The following PPM1H variants were observed in gnomAD, a reference collection of about 807,000 sequenced individuals.
PPM1H encodes protein phosphatase, Mg2+/Mn2+ dependent 1H, also known as protein phosphatase 1H.
Under a neutral mutation model 54.9 loss-of-function variants are expected in PPM1H, and 27 were observed. That is an observed-to-expected ratio of 0.49 (90% CI 0.36 to 0.68). The LOEUF (loss-of-function observed/expected upper bound fraction) is 0.68. Ranked by LOEUF, PPM1H falls within the 30% of genes least tolerant of loss-of-function variation. The pLI, the probability that PPM1H is intolerant of heterozygous loss-of-function variation, is 0.00. For synonymous variants in PPM1H, 305 were observed against 270.8 expected (o/e 1.13, Z -1.24); for missense variants, 596 against 667.8 (o/e 0.89, Z 1.19).
intron 2 of PPM1H, among the ~76,000 whole-genome samples, chr12:62,804,666 C>CTTTTTTTT (rs1162966258): frequency 3.7e-5 from 5 of 134,284 alleles, no homozygotes; most frequent in African/African-American, 1.2e-4. Context: ...TGGTTAATTT[C>CTTTTTTTT]TTTTTTTTTC....
chr12:62,854,792 T>C (rs1262356202), intron 1 of PPM1H, among the ~76,000 whole-genome samples: 1 of 152,080 alleles, frequency 6.6e-6, no homozygotes, highest in Admixed American at 6.6e-5. Context: ...TGTCACTCTC[T>C]TCTGGAAGGC....
intron 6 of PPM1H, among the ~76,000 whole-genome samples, chr12:62,710,707 A>G (rs1259529814): frequency 6.6e-6 from 1 of 152,164 alleles, no homozygotes; most frequent in Non-Finnish European, 1.5e-5. Flanking sequence ...GCTGCAGGAC[A>G]GACCTGCTAG....
chr12:62,906,889 GC>G (rs1475488043), intron 1 of PPM1H, among the ~76,000 whole-genome samples: 1 of 152,204 alleles, frequency 6.6e-6, no homozygotes, highest in Non-Finnish European at 1.5e-5. Flanking sequence ...TTCTGTTATA[GC>G]TTTGAAATAA....
chr12:62,824,104 T>C (rs1035954201), intron 2 of PPM1H, among the ~76,000 whole-genome samples: 17 of 151,370 alleles, frequency 1.1e-4, no homozygotes, highest in Non-Finnish European at 4.4e-5. Flanking sequence ...TATACACCAA[T>C]AACAGACAAA....
intron 1 of PPM1H, among the ~76,000 whole-genome samples, chr12:62,851,355 C>A (rs1869180157): frequency 6.6e-6 from 1 of 152,116 alleles, no homozygotes; most frequent in South Asian, 2.1e-4. Context: ...AATATTAACA[C>A]AGAGAAAAAA....
intron 1 of PPM1H, among the ~76,000 whole-genome samples, chr12:62,867,104 A>G (rs1217830822): frequency 1.3e-5 from 2 of 152,166 alleles, no homozygotes; most frequent in African/African-American, 4.8e-5. Context: ...TGCTTACAGA[A>G]CTTAAGACAG....
Position 62,646,466 on chromosome 12 carries a change from G to A in PPM1H, c.*2023C>T, listed in dbSNP as rs1487181552. On this transcript the variant is annotated 3_prime_UTR_variant, in exon 10 of 10. Transcript: ENST00000228705. ...GGTCCTCCACGGAAGACTTGCTCAG[G>A]TTTCCTACTTACACATGACTCTGAG... 6.6e-6 allele frequency: 1 copy of A among 152,218 alleles called. No individual in the cohort carries two copies. Among genetic ancestry groups the A allele is most frequent in the African/African-American group, 2.4e-5 (1 of 41,448 alleles). 9.4% of individuals were successfully genotyped at this position (152,218 alleles called of 1,614,324 possible). A position where few individuals can be genotyped will look rare whatever the true frequency, so the allele number is the denominator to read the frequency against.
intron 6 of PPM1H, among the ~76,000 whole-genome samples, chr12:62,698,687 C>G (rs940276944): frequency 5.9e-5 from 9 of 151,928 alleles, no homozygotes; most frequent in African/African-American, 2.2e-4. Context: ...TAAAAATTAA[C>G]AAAGCTATTT....
intron 2 of PPM1H, among the ~76,000 whole-genome samples, chr12:62,804,682 T>TTG (rs1023704681): frequency 7.0e-6 from 1 of 143,404 alleles, no homozygotes; most frequent in East Asian, 2.0e-4. Flanking sequence ...TTTTCTTTTT[T>TTG]TTTTTTTTTT....
intron 8 of PPM1H, among the ~76,000 whole-genome samples, chr12:62,670,343 A>C (rs1342073157): frequency 6.6e-6 from 1 of 152,182 alleles, no homozygotes; most frequent in Non-Finnish European, 1.5e-5. Context: ...TCTTTATGAT[A>C]GACAATATTG....
At chr12:62,875,579 C>T (rs1209926808) in intron 1 of PPM1H, among the ~76,000 whole-genome samples, 3 of 152,098 alleles carry the variant, frequency 2.0e-5, no homozygotes, top group African/African-American at 7.2e-5. Flanking sequence ...TTCTATATAG[C>T]AAATCAAGGA....
rs1164322911 is a variant in PPM1H at position 62,731,033 on chromosome 12, G to A, written c.954+6469C>T. Reference sequence around the variant, plus strand: ...CAAAAATCTCAAAGTAACAAGAACCGAGCTTGTATATATAAGCTATTACAG... The same window carrying A: ...CAAAAATCTCAAAGTAACAAGAACCAAGCTTGTATATATAAGCTATTACAG... On this transcript the variant is annotated intron_variant, in intron 5 of 9. Transcript: ENST00000228705. Among the ~76,000 whole-genome samples the A allele has an allele frequency of 3.3e-5, 5 of 152,286 alleles. No homozygotes were observed. In the East Asian group the frequency reaches 5.8e-4, roughly 18 times the overall value.
At chr12:62,914,554 G>A (rs376897549) in intron 1 of PPM1H, among the ~76,000 whole-genome samples, 30 of 152,310 alleles carry the variant, frequency 2.0e-4, no homozygotes, top group African/African-American at 7.2e-4. Context: ...GAGGGAAGGT[G>A]ATGGAGGGTT....
intron 1 of PPM1H, among the ~76,000 whole-genome samples, chr12:62,852,004 T>C (rs554235253): frequency 2.3e-4 from 34 of 150,228 alleles, no homozygotes; most frequent in African/African-American, 8.3e-4. Flanking sequence ...GAGGCTGAGG[T>C]GGGTGGATGA....
intron 4 of PPM1H, among the ~76,000 whole-genome samples, chr12:62,752,407 T>A (rs1215644661): frequency 2.0e-5 from 3 of 152,212 alleles, no homozygotes; most frequent in African/African-American, 7.2e-5. Flanking sequence ...AAAGTGGTTA[T>A]CTCACATTTT....
intron 4 of PPM1H, among the ~76,000 whole-genome samples, chr12:62,765,202 G>A (rs2076534216): frequency 6.6e-6 from 1 of 152,214 alleles, no homozygotes; most frequent in East Asian, 1.9e-4. Flanking sequence ...CAACAGCAGT[G>A]CAATGGTGAA....
chr12:62,930,508 A>G (rs755562972), intron 1 of PPM1H, among the ~76,000 whole-genome samples: 6 of 152,212 alleles, frequency 3.9e-5, no homozygotes, highest in Non-Finnish European at 7.3e-5. Flanking sequence ...GGCATTCCCT[A>G]CGTCTGTAGT....
intron 6 of PPM1H, among the ~76,000 whole-genome samples, chr12:62,697,802 G>A (rs1004316438): frequency 5.9e-5 from 9 of 151,930 alleles, no homozygotes; most frequent in Non-Finnish European, 1.3e-4. Context: ...CAAATCACTC[G>A]CTAGTTTTAC....
At chr12:62,695,385 T>C (rs1000192027) in intron 6 of PPM1H, among the ~76,000 whole-genome samples, 4 of 152,114 alleles carry the variant, frequency 2.6e-5, no homozygotes, top group African/African-American at 9.7e-5. Flanking sequence ...ATTCGTGAGA[T>C]TATTGCAAAG....
Sources: gnomAD v4.1 joint callset for allele counts (sites outside exome capture counted in the v4.1 genomes callset) on GRCh38, gnomAD v4.1.1 for gene constraint, MANE v1.5 for transcripts, NCBI Gene and HGNC (gene_info 2026-07-23, HGNC 2026-07-21) for gene names.